The following SMC5 variants were observed in gnomAD, a reference collection of about 807,000 sequenced individuals.
The protein encoded by SMC5 is structural maintenance of chromosomes 5, also known as structural maintenance of chromosomes protein 5.
In SMC5, 88 loss-of-function variants were observed where a neutral mutation model predicts 148.3. The observed-to-expected ratio is 0.59, with a 90% CI of 0.50 to 0.71. The LOEUF (loss-of-function observed/expected upper bound fraction) is 0.71. SMC5 is among the 30% of genes least tolerant of loss of function. SMC5 has a pLI of 0.00. For synonymous variants in SMC5, 421 were observed against 432.8 expected (o/e 0.97, Z 0.34); for missense variants, 1,142 against 1,298.9 (o/e 0.88, Z 1.86).
At chr9:70,291,520 C>G (rs1004618637) in intron 8 of SMC5, among the ~76,000 whole-genome samples, 3 of 152,152 alleles carry the variant, frequency 2.0e-5, no homozygotes, top group African/African-American at 7.2e-5. Flanking sequence ...TGCACATGAC[C>G]TTCTAGAATC....
chr9:70,327,521 GAAATA>G (rs752609156), intron 17 of SMC5, among the ~76,000 whole-genome samples: 1 of 151,240 alleles, frequency 6.6e-6, no homozygotes, highest in Non-Finnish European at 1.5e-5. Flanking sequence ...TAATGATGCT[GAAATA>G]AAATAATATT....
intron 9 of SMC5, 43 bp downstream of exon 9, chr9:70,298,264 A>C: frequency 6.4e-7 from 1 of 1,562,556 alleles, no homozygotes; most frequent in Non-Finnish European, 8.7e-7. Flanking sequence ...TAAAATGTAG[A>C]TACATCTCTG....
chr9:70,323,858 C>T (rs117886144), intron 16 of SMC5, among the ~76,000 whole-genome samples, 163 bp from the exon 17 acceptor site: 2 of 152,148 alleles, frequency 1.3e-5, no homozygotes, highest in East Asian at 3.9e-4. Context: ...CAAAGGAAAA[C>T]ACTTTCTAAA....
intron 17 of SMC5, among the ~76,000 whole-genome samples, chr9:70,334,035 CAA>C (rs957247565): frequency 6.6e-6 from 1 of 151,618 alleles, no homozygotes; most frequent in Non-Finnish European, 1.5e-5. Context: ...TTACAACAAT[CAA>C]GACATTGTAT....
intron 8 of SMC5, among the ~76,000 whole-genome samples, chr9:70,287,681 A>T (rs2034946316): frequency 6.6e-6 from 1 of 152,146 alleles, no homozygotes; most frequent in Admixed American, 6.5e-5. Flanking sequence ...TTAACCACAA[A>T]TGTTCACAGA....
At position 70,303,985 on chromosome 9, in the gene SMC5, A is replaced by G. The variant is rs370429917; in HGVS notation, c.1465-1262A>G. 3.3e-5 allele frequency among the ~76,000 whole-genome samples: 5 copies of G among 152,352 alleles called. No individual in the cohort carries two copies. In the South Asian group the frequency reaches 1.0e-3, roughly 32 times the overall value. On this transcript the variant is annotated intron_variant, in intron 10 of 24. Transcript: ENST00000361138. The stretch of plus-strand genomic sequence containing the variant: ...CTTTCAACATAGTTATTCATCTGCA[A>G]TAAATAACAGATTATGTACTTCCAG...
intron 17 of SMC5, among the ~76,000 whole-genome samples, chr9:70,326,966 T>C (rs1288650211): frequency 6.6e-6 from 1 of 152,172 alleles, no homozygotes; most frequent in African/African-American, 2.4e-5. Flanking sequence ...AGTAGTTACG[T>C]TAATGTAATT....
rs139105570 is a variant in SMC5, at chr9:70,338,752, C to T, written c.2398-5392C>T. On this transcript the variant is annotated intron_variant, in intron 17 of 24. Coordinates refer to ENST00000361138, the MANE Select transcript of SMC5 (RefSeq NM_015110.4). ...TCTGAGTCCATTGCTGCTTTTAAGA[C>T]CAGAACTCTTCCTTGACACACATAA... Among the ~76,000 whole-genome samples the T allele has an allele frequency of 3.9e-3, 598 of 152,252 alleles. 3 individuals are homozygous for T. The highest frequency in any genetic ancestry group is 0.013 in the African/African-American group (553 of 41,546).
chr9:70,259,899 A>G (rs1430080138), intron 1 of SMC5, among the ~76,000 whole-genome samples: 1 of 149,968 alleles, frequency 6.7e-6, no homozygotes, highest in Non-Finnish European at 1.5e-5. Flanking sequence ...GTATTTGCCT[A>G]GCACCTTCCA....
At chr9:70,348,128 G>A in intron 22 of SMC5, 90 bp downstream of exon 22, 1 of 1,197,802 alleles carries the variant, frequency 8.3e-7, no homozygotes, top group South Asian at 1.9e-5. Flanking sequence ...TTACTTTTGA[G>A]TTATATCTGT....
In SMC5 at chr9:70,298,218, AAG is replaced by A; in HGVS notation, c.1309_1309+1del. 1.2e-6 allele frequency: 2 copies of A among 1,608,982 alleles called. No individual in the cohort carries two copies. The highest frequency in any genetic ancestry group is 2.2e-5 in the East Asian group (1 of 44,836). On this transcript the variant is annotated frameshift_variant and splice_region_variant, in exon 9 of 25. Transcript: ENST00000361138. LOFTEE classifies it high-confidence loss of function. ...RERETLEKEK[K>X]SVDDHIVRFD... ...GAGGGAAACTCTAGAGAAGGAGAAA[AAG>A]AGTAAGTTTCATAAAGTTAGAATGA... is the stretch of plus-strand genomic sequence containing the variant.
Position 70,352,670 on chromosome 9 carries a change from G to A in SMC5, c.*339G>A, listed in dbSNP as rs1487002259. The A allele has an allele frequency of 1.6e-5, 3 of 182,790 alleles. No individual in the cohort carries two copies. Among genetic ancestry groups the A allele is most frequent in the Non-Finnish European group, 3.4e-5 (3 of 87,626 alleles). The allele number at this position is 182,790 out of a possible 1,614,324, so 11.3% of individuals were successfully genotyped here. On this transcript the variant is annotated 3_prime_UTR_variant, in exon 25 of 25. Coordinates refer to ENST00000361138, the MANE Select transcript of SMC5 (RefSeq NM_015110.4). ...GAAGTTACTTATATGGTAGCCCTGAGCTTTAATTGCAGAGTAACTTTAATT... is the reference window on the plus strand; with the variant it reads ...GAAGTTACTTATATGGTAGCCCTGAACTTTAATTGCAGAGTAACTTTAATT...
Position 70,315,480 on chromosome 9 carries a change from T to C in SMC5, c.1708T>C (p.Phe570Leu), listed in dbSNP as rs1253546739. Residue 570 changes from phenylalanine to leucine, a missense_variant, in exon 13 of 25, where the codon TTT (phenylalanine) becomes CTT (leucine). Physicochemically the swap from Phe to Leu is conservative, Grantham distance 22. Around this residue, in one of 5 missense-constraint regions of SMC5, gnomAD observed 743 missense variants for 835.7 expected, o/e 0.89. Transcript: ENST00000361138. ...YGFFSYLREL[F>L]DAPDPVMSYL... is the part of the protein sequence containing the mutation. The stretch of plus-strand genomic sequence containing the variant: ...ATTTTTCTCTTATTTGAGAGAATTA[T>C]TTGATGCACCTGATCCTGTAATGAG... 44 of 1,595,142 alleles carry C rather than the reference T, an allele frequency of 2.8e-5. No homozygotes were observed. Among genetic ancestry groups the C allele is most frequent in the Non-Finnish European group, 3.6e-5 (42 of 1,168,766 alleles).
At chr9:70,287,305 T>G (rs1012405397) in intron 8 of SMC5, among the ~76,000 whole-genome samples, 8 of 152,192 alleles carry the variant, frequency 5.3e-5, no homozygotes, top group Non-Finnish European at 1.0e-4. Flanking sequence ...GGTTTCTTGC[T>G]TTCTTCCTGG....
intron 17 of SMC5, among the ~76,000 whole-genome samples, chr9:70,336,181 A>G (rs1056757735): frequency 3.3e-5 from 5 of 152,118 alleles, no homozygotes; most frequent in South Asian, 2.1e-4. Context: ...TGTGGAAAGC[A>G]TCCACAGAGG....
At chr9:70,295,396 A>G (rs1315542800) in intron 8 of SMC5, among the ~76,000 whole-genome samples, 17 of 150,454 alleles carry the variant, frequency 1.1e-4, no homozygotes, top group Non-Finnish European at 2.5e-4. Flanking sequence ...GCTTGAACCC[A>G]GGAGGCGGAG....
intron 13 of SMC5, 140 bp downstream of exon 13, chr9:70,315,718 T>G: frequency 1.6e-6 from 1 of 612,374 alleles, no homozygotes; most frequent in Non-Finnish European, 2.5e-6. Flanking sequence ...ATATTTGTAT[T>G]AATTATTTTC....
intron 18 of SMC5, among the ~76,000 whole-genome samples, chr9:70,345,872 A>G (rs886082591): frequency 5.3e-5 from 8 of 152,176 alleles, no homozygotes; most frequent in Non-Finnish European, 1.2e-4. Context: ...TCTTTGGACC[A>G]CGTAAGAGAT....
chr9:70,336,658 C>G (rs910885607), intron 17 of SMC5, among the ~76,000 whole-genome samples: 2 of 152,134 alleles, frequency 1.3e-5, no homozygotes, highest in African/African-American at 2.4e-5. Context: ...TTCATCTGTT[C>G]TATTGGTAAG....
Sources: gnomAD v4.1 joint callset for allele counts (sites outside exome capture counted in the v4.1 genomes callset) on GRCh38, gnomAD v4.1.1 for gene constraint, gnomAD v4.1.1 regional missense constraint, MANE v1.5 for transcripts, NCBI Gene and HGNC (gene_info 2026-07-23, HGNC 2026-07-21) for gene names.